The following MROH1 variants were observed in gnomAD, a reference collection of about 807,000 sequenced individuals.
The protein encoded by MROH1 is maestro heat like repeat family member 1.
Under a neutral mutation model 116.5 loss-of-function variants are expected in MROH1, and 117 were observed. The observed-to-expected ratio is 1.00, with a 90% CI of 0.86 to 1.17. The LOEUF (loss-of-function observed/expected upper bound fraction) is 1.17. MROH1 is among the 50% of genes most tolerant of loss of function. The pLI is 0.00. For synonymous variants in MROH1, 921 were observed against 583.9 expected, an observed-to-expected ratio of 1.58 and a Z score of -8.32; for missense variants, 1,873 against 1,338.5, an observed-to-expected ratio of 1.40 and a Z score of -6.23.
chr8:144,179,733 A>AC, intron 5 of MROH1, 147 bp downstream of exon 5: 5 of 1,044,976 alleles, frequency 4.8e-6, no homozygotes, highest in Non-Finnish European at 6.9e-6. Flanking sequence ...CTCATGCATC[A>AC]CCCTGCAGGG....
At chr8:144,256,487 C>T (rs1843830371) in intron 35 of MROH1, among the ~76,000 whole-genome samples, 2 of 150,800 alleles carry the variant, frequency 1.3e-5, no homozygotes, top group Admixed American at 6.6e-5. Context: ...GCTGCTCAGA[C>T]CCAGGCCAGC....
At chr8:144,245,516 C>T (rs1186585135) in intron 29 of MROH1, among the ~76,000 whole-genome samples, 2 of 152,340 alleles carry the variant, frequency 1.3e-5, no homozygotes, top group East Asian at 1.9e-4. Context: ...CACTGTTGAG[C>T]GCGGTGCTTG....
rs956200011 is a variant in MROH1, at chr8:144,204,162, A to G, written c.1141+3621A>G. The stretch of plus-strand genomic sequence containing the variant: ...GTCTCGTTCTTTCACCCAGGTTGGA[A>G]TGCAGTGGTGCAGTCATAGCTTACT... On this transcript the variant is annotated intron_variant, in intron 12 of 43. Coordinates refer to ENST00000326134, the MANE Select transcript of MROH1 (RefSeq NM_032450.3). Among the ~76,000 whole-genome samples, 34 of 152,148 alleles carry G rather than the reference A, an allele frequency of 2.2e-4. 1 individual carries two copies. Among genetic ancestry groups the G allele is most frequent in the African/African-American group, 6.3e-4 (26 of 41,446 alleles).
rs1840611332 is a variant in MROH1, at chr8:144,239,468, G to C, written c.1632+105G>C. On this transcript the variant is annotated intron_variant, in intron 17 of 43. Coordinates refer to ENST00000326134, the MANE Select transcript of MROH1 (RefSeq NM_032450.3). Reference sequence around the variant, plus strand: ...TTCTCAGTGGGCAGCCGCGGTCAGGGCTCAGGTGTGGTTTTCCTCTACGTG... The same window carrying C: ...TTCTCAGTGGGCAGCCGCGGTCAGGCCTCAGGTGTGGTTTTCCTCTACGTG... The C allele has an allele frequency of 2.1e-5, 16 of 773,202 alleles. No individual in the cohort carries two copies. In the East Asian group the frequency reaches 3.9e-4, roughly 19 times the overall value. The allele number at this position is 773,202 out of a possible 1,614,324, so 47.9% of individuals were successfully genotyped here. A position where few individuals can be genotyped will look rare whatever the true frequency, so the allele number is the denominator to read the frequency against.
chr8:144,197,940 G>A (rs1830299771), intron 10 of MROH1, among the ~76,000 whole-genome samples: 1 of 150,236 alleles, frequency 6.7e-6, no homozygotes, highest in African/African-American at 2.4e-5. Flanking sequence ...CAGGTGTGGT[G>A]GCACACACCT....
intron 12 of MROH1, among the ~76,000 whole-genome samples, chr8:144,220,147 G>T (rs943808558): frequency 1.3e-5 from 2 of 152,150 alleles, no homozygotes; most frequent in African/African-American, 4.8e-5. Context: ...TCTCAAGGGG[G>T]TCCCCAGACC....
intron 28 of MROH1, 137 bp downstream of exon 28, chr8:144,244,676 A>G: frequency 1.5e-6 from 1 of 670,248 alleles, no homozygotes; most frequent in Non-Finnish European, 2.7e-6. Context: ...GTTTATGAAC[A>G]GGCAGGTGCA....
In MROH1 at chr8:144,161,442, C is replaced by T. The variant is rs560426469; in HGVS notation, c.-57+353C>T. Among the ~76,000 whole-genome samples the T allele has an allele frequency of 1.4e-4, 22 of 152,250 alleles. No homozygotes were observed. In the East Asian group the frequency reaches 3.7e-3, roughly 25 times the overall value. ...GGTATGAGAGACTGCAGACTCCGGCCGCCTTGGTATCGGCCGGCACTCCCC... is the reference window on the plus strand; with the variant it reads ...GGTATGAGAGACTGCAGACTCCGGCTGCCTTGGTATCGGCCGGCACTCCCC... On this transcript the variant is annotated intron_variant, in intron 2 of 43. Coordinates refer to ENST00000326134, the MANE Select transcript of MROH1 (RefSeq NM_032450.3).
chr8:144,228,980 A>G (rs922604864), intron 14 of MROH1, among the ~76,000 whole-genome samples: 1 of 152,260 alleles, frequency 6.6e-6, no homozygotes, highest in Non-Finnish European at 1.5e-5. Flanking sequence ...CAACGTTCAC[A>G]GCATCTTCAC....
rs117246704 is a variant in MROH1, at chr8:144,204,646, G to A, written c.1141+4105G>A. 4.7e-3 allele frequency among the ~76,000 whole-genome samples: 716 copies of A among 152,296 alleles called. 7 individuals carry two copies. The highest frequency in any genetic ancestry group is 0.01 in the Middle Eastern group (3 of 294). ...GCTGTTTCAGGATGTTGTACAAAGA[G>A]AATTGTATGGTGTAAATAATTTTGT... On this transcript the variant is annotated intron_variant, in intron 12 of 43. Coordinates refer to ENST00000326134, the MANE Select transcript of MROH1 (RefSeq NM_032450.3).
At chr8:144,240,297 A>G in intron 19 of MROH1, 144 bp downstream of exon 19, 1 of 634,340 alleles carries the variant, frequency 1.6e-6, no homozygotes, top group South Asian at 1.9e-5. Flanking sequence ...ATCAAGGCTG[A>G]AGACCCCAGC....
intron 29 of MROH1, among the ~76,000 whole-genome samples, chr8:144,247,060 G>A (rs1014344424): frequency 3.9e-5 from 6 of 152,242 alleles, no homozygotes; most frequent in East Asian, 1.9e-4. Flanking sequence ...CCCGGCCTGG[G>A]AGCCTGTGTG....
chr8:144,175,486 C>T, intron 4 of MROH1: 1 of 985,356 alleles, frequency 1.0e-6, no homozygotes, highest in South Asian at 4.7e-5. Context: ...TCTTTCCTCC[C>T]CAGTTCCTGC....
At chr8:144,239,275 A>G in intron 16 of MROH1, 48 bp from the exon 17 acceptor site, 1 of 632,428 alleles carries the variant, frequency 1.6e-6, no homozygotes, top group African/African-American at 2.5e-5. Flanking sequence ...CACCCGCCCC[A>G]GGGCTACAGG....
intron 12 of MROH1, among the ~76,000 whole-genome samples, chr8:144,216,685 T>C (rs1588248141): frequency 1.7e-3 from 1 of 590 alleles, no homozygotes; most frequent in African/African-American, 2.0e-3. Context: ...TTTTTACTGC[T>C]TTTTTTTTTT....
chr8:144,183,907 A>C (rs1826308323), intron 7 of MROH1, among the ~76,000 whole-genome samples: 1 of 152,002 alleles, frequency 6.6e-6, no homozygotes, highest in Admixed American at 6.6e-5. Context: ...TCGGCCTCCC[A>C]AAGTGCTGGG....
chr8:144,175,299 C>T (rs535116683), intron 4 of MROH1, among the ~76,000 whole-genome samples: 7 of 147,952 alleles, frequency 4.7e-5, no homozygotes, highest in African/African-American at 1.6e-4. Context: ...CTCCCAGCAA[C>T]GGGTCCAGTC....
At position 144,191,821 on chromosome 8, in the gene MROH1, A is replaced by G. The variant is rs1319664602; in HGVS notation, c.821A>G (p.Tyr274Cys). 1 of 1,613,488 alleles carries G rather than the reference A, an allele frequency of 6.2e-7. No homozygotes were observed. Among genetic ancestry groups the G allele is most frequent in the Non-Finnish European group, 8.5e-7 (1 of 1,179,836 alleles). ...CTCCTCCCTGGGATTCTCGCCCTCT[A>G]CAAGAAGCACGCAGAGACCTTCTAC... ...PKLLPGILAL[Y>C]KKHAETFYLS... is the part of the protein sequence containing the mutation. The change falls in exon 9 of 44, where the codon TAC becomes TGC. Residue 274 changes from tyrosine to cysteine, a missense_variant. Physicochemically the swap from Tyr to Cys is radical, Grantham distance 194. Transcript: ENST00000326134.
chr8:144,254,771 G>T, intron 33 of MROH1, 42 bp from the exon 34 acceptor site: 1 of 745,796 alleles, frequency 1.3e-6, no homozygotes, highest in South Asian at 1.4e-5. Flanking sequence ...CAGGCGCCCT[G>T]ACCAGCCACG....
Sources: gnomAD v4.1 joint callset for allele counts (sites outside exome capture counted in the v4.1 genomes callset) on GRCh38, gnomAD v4.1.1 for gene constraint, MANE v1.5 for transcripts, NCBI Gene and HGNC (gene_info 2026-07-23, HGNC 2026-07-21) for gene names.